Variants in PRMT9 observed in about 807,000 individuals in gnomAD.
The protein encoded by PRMT9 is protein arginine methyltransferase 9.
In PRMT9, 59 loss-of-function variants were observed where a neutral mutation model predicts 83.2. The ratio of observed to expected loss-of-function variants is 0.71; its 90% CI spans 0.57 to 0.88. The LOEUF (loss-of-function observed/expected upper bound fraction) is 0.88, where lower values mean the gene tolerates loss of function less well. PRMT9 is among the 40% of genes least tolerant of loss of function. PRMT9 has a pLI of 0.00. For synonymous variants in PRMT9, 333 were observed against 353.2 expected, an observed-to-expected ratio of 0.94 and a Z score of 0.64; for missense variants, 947 against 1,021.9, an observed-to-expected ratio of 0.93 and a Z score of 1.00.
intron 9 of PRMT9, among the ~76,000 whole-genome samples, chr4:147,649,174 G>GGAGA (rs993727298): frequency 1.3e-5 from 2 of 151,348 alleles, no homozygotes; most frequent in South Asian, 2.1e-4. Context: ...GAGAAGAGGG[G>GGAGA]GAGAGAGAGA....
rs373551173 is a variant in PRMT9 at position 147,665,951 on chromosome 4, T to C, written c.953+2588A>G. On this transcript the variant is annotated intron_variant, in intron 6 of 11. Coordinates refer to ENST00000322396, the MANE Select transcript of PRMT9 (RefSeq NM_138364.4). The stretch of plus-strand genomic sequence containing the variant: ...CACTGCACACATGTATGAGTATTTA[T>C]CAGGATAGATTCCCAGACACGGAAA... Among the ~76,000 whole-genome samples, 39 of 152,342 alleles carry C rather than the reference T, an allele frequency of 2.6e-4. No homozygotes were observed. The East Asian group carries it at 5.4e-3, about 21-fold the overall frequency.
chr4:147,652,476 T>G (rs531987368), intron 9 of PRMT9, among the ~76,000 whole-genome samples: 111 of 151,866 alleles, frequency 7.3e-4, no homozygotes, highest in African/African-American at 2.6e-3. Context: ...ATCACTTAAT[T>G]ATCAAAACTT....
chr4:147,659,075 A>T (rs1184142963), intron 7 of PRMT9, among the ~76,000 whole-genome samples: 1 of 151,888 alleles, frequency 6.6e-6, no homozygotes, highest in African/African-American at 2.4e-5. Context: ...GCTACTCGGG[A>T]GGCTGAGGCA....
At position 147,684,089 on chromosome 4, in the gene PRMT9, A is replaced by C; in HGVS notation, c.-102T>G. The stretch of plus-strand genomic sequence containing the variant: ...CAGGGACCAGACAACTGCTCAAAAA[A>C]CAGCACAGCAAAGTTACCCTCCGCC... On this transcript the variant is annotated 5_prime_UTR_variant, in exon 1 of 12. Transcript: ENST00000322396. 1 of 1,307,118 alleles carries C rather than the reference A, an allele frequency of 7.7e-7. No homozygotes were observed. The highest frequency in any genetic ancestry group is 1.1e-6 in the Non-Finnish European group (1 of 934,904). The allele number at this position is 1,307,118 out of a possible 1,614,324, so 81.0% of individuals were successfully genotyped here. A position where few individuals can be genotyped will look rare whatever the true frequency, so the allele number is the denominator to read the frequency against.
In PRMT9 at chr4:147,657,903, C is replaced by T. The variant is rs748787452; in HGVS notation, c.1219G>A (p.Ala407Thr). Residue 407 changes from alanine to threonine, a missense_variant, in exon 8 of 12, where the codon GCT becomes ACT. Physicochemically the swap from Ala to Thr is moderately conservative, Grantham distance 58. Transcript: ENST00000322396. ...TGGAGCACAAACCAAACCATAATAG[C>T]ATCTAGTATGCCTTCTTTAATAACA... ...IPVIKEGILD[A>T]IMVWFVLQLD... 6.2e-7 allele frequency: 1 copy of T among 1,606,704 alleles called. No individual in the cohort carries two copies.
At chr4:147,663,182 G>T (rs967876618) in intron 6 of PRMT9, among the ~76,000 whole-genome samples, 1 of 150,800 alleles carries the variant, frequency 6.6e-6, no homozygotes. Context: ...CTACTTTTTT[G>T]TATTTTTAGT....
intron 2 of PRMT9, among the ~76,000 whole-genome samples, chr4:147,678,907 T>G (rs1465414449): frequency 1.3e-5 from 2 of 152,152 alleles, no homozygotes; most frequent in Admixed American, 1.3e-4. Context: ...CTTTGCAAAT[T>G]TTGCTTTGTA....
At chr4:147,643,086 C>T in intron 9 of PRMT9, 146 bp from the exon 10 acceptor site, 1 of 671,600 alleles carries the variant, frequency 1.5e-6, no homozygotes, top group South Asian at 1.6e-5. Context: ...ATGGCGAAAC[C>T]TCATCTCTAC....
chr4:147,666,970 A>C (rs995655081), intron 6 of PRMT9, among the ~76,000 whole-genome samples: 2 of 152,224 alleles, frequency 1.3e-5, no homozygotes, highest in African/African-American at 4.8e-5. Flanking sequence ...TAAGTGAGTC[A>C]ATAATAAAGT....
rs1560714107 is a variant in PRMT9 at position 147,684,160 on chromosome 4, T to C, written c.-173A>G. On this transcript the variant is annotated 5_prime_UTR_variant, in exon 1 of 12. Coordinates refer to ENST00000322396, the MANE Select transcript of PRMT9 (RefSeq NM_138364.4). ...CAGCCCAGGCGGAAGCTCCGCCCCG[T>C]CCTGGCCCCGCGGGCGGCGCAGACC... The C allele has an allele frequency of 2.6e-6, 2 of 770,720 alleles. No homozygotes were observed. Among genetic ancestry groups the C allele is most frequent in the South Asian group, 1.6e-5 (1 of 61,044 alleles). 47.7% of individuals were successfully genotyped at this position (770,720 alleles called of 1,614,324 possible). A position where few individuals can be genotyped will look rare whatever the true frequency, so the allele number is the denominator to read the frequency against.
intron 6 of PRMT9, among the ~76,000 whole-genome samples, chr4:147,665,739 A>G (rs562375241): frequency 6.6e-6 from 1 of 152,366 alleles, no homozygotes; most frequent in South Asian, 2.1e-4. Context: ...CTCACTTAAT[A>G]GTATGCCATA....
chr4:147,679,145 GGA>G (rs1736288779), intron 2 of PRMT9, among the ~76,000 whole-genome samples: 1 of 152,162 alleles, frequency 6.6e-6, no homozygotes, highest in South Asian at 2.1e-4. Flanking sequence ...TAAAAAGTGC[GGA>G]GAGGCCGCGT....
chr4:147,660,506 T>C (rs1240183456), intron 7 of PRMT9, among the ~76,000 whole-genome samples: 1 of 152,194 alleles, frequency 6.6e-6, no homozygotes, highest in East Asian at 1.9e-4. Context: ...GGTACATGCC[T>C]GTAGTCCCAG....
chr4:147,681,797 AC>A (rs777619281), intron 1 of PRMT9, among the ~76,000 whole-genome samples: 8 of 110,152 alleles, frequency 7.3e-5, no homozygotes, highest in East Asian at 4.9e-4. Flanking sequence ...AAAAAAAAAA[AC>A]CCCGCACAGA....
At position 147,668,544 on chromosome 4, in the gene PRMT9, A is replaced by T. The variant is rs765061081; in HGVS notation, c.948T>A (p.His316Gln). Residue 316 changes from histidine to glutamine, a missense_variant, in exon 6 of 12, where the codon CAT (histidine) becomes CAA (glutamine). His to Gln is a conservative substitution (Grantham distance 24, BLOSUM62 0). Transcript: ENST00000322396. ...MAVECAEIRRHHRVGIKDIAG... is the reference protein window; with the variant it reads ...MAVECAEIRRQHRVGIKDIAG... ...AAATGGACTAATACACTTACCTATG[A>T]TGTCTTCTTATCTCTGCACATTCTA... The T allele has an allele frequency of 6.4e-7, 1 of 1,563,684 alleles. No homozygotes were observed. The highest frequency in any genetic ancestry group is 8.8e-7 in the Non-Finnish European group (1 of 1,135,928).
chr4:147,669,601 A>G (rs1224264427), intron 5 of PRMT9, among the ~76,000 whole-genome samples: 1 of 152,116 alleles, frequency 6.6e-6, no homozygotes, highest in Non-Finnish European at 1.5e-5. Flanking sequence ...CACACCTGCA[A>G]TCCCAGCACT....
Position 147,638,476 on chromosome 4 carries a change from A to G in PRMT9, c.*56T>C. 1 of 1,381,796 alleles carries G rather than the reference A, an allele frequency of 7.2e-7. No homozygotes were observed. The highest frequency in any genetic ancestry group is 2.3e-5 in the East Asian group (1 of 43,742). The allele number at this position is 1,381,796 out of a possible 1,614,324, so 85.6% of individuals were successfully genotyped here. On this transcript the variant is annotated 3_prime_UTR_variant, in exon 12 of 12. Transcript: ENST00000322396. ...TTATATACCCCCACTAATTAAGACA[A>G]GAATTTTGTACTTGTTGATGCTCTA...
intron 8 of PRMT9, 106 bp from the exon 9 acceptor site, chr4:147,654,672 T>C (rs1560979155): frequency 5.5e-6 from 4 of 733,154 alleles, no homozygotes; most frequent in Non-Finnish European, 9.3e-6. Flanking sequence ...TAGATCACTA[T>C]AGAAAGGATT....
chr4:147,673,209 G>A, intron 3 of PRMT9, 83 bp from the exon 4 acceptor site: 11 of 1,294,858 alleles, frequency 8.5e-6, no homozygotes, highest in Non-Finnish European at 1.2e-5. Context: ...ATGCTAAAAT[G>A]TGGGGTTTTT....
Sources: gnomAD v4.1 joint callset for allele counts (sites outside exome capture counted in the v4.1 genomes callset) on GRCh38, gnomAD v4.1.1 for gene constraint, MANE v1.5 for transcripts, NCBI Gene and HGNC (gene_info 2026-07-23, HGNC 2026-07-21) for gene names.